Variants in MYZAP observed in about 807,000 individuals in gnomAD.
MYZAP encodes the protein myocardial zonula adherens protein.
Under a neutral mutation model 69.4 loss-of-function variants are expected in MYZAP, and 66 were observed. The observed-to-expected ratio is 0.95, with a 90% CI of 0.78 to 1.17. The LOEUF (loss-of-function observed/expected upper bound fraction) is 1.17, where lower values mean the gene tolerates loss of function less well. Ranked by LOEUF, MYZAP falls within the 50% of genes most tolerant of loss-of-function variation. The pLI is 0.00. For missense variants in MYZAP, 611 were observed against 556.2 expected (o/e 1.10, Z -0.99); for synonymous variants, 256 against 205.9 (o/e 1.24, Z -2.09).
chr15:57,592,730 C>T (rs1272179663), intron 1 of MYZAP, among the ~76,000 whole-genome samples: 2 of 152,162 alleles, frequency 1.3e-5, no homozygotes, highest in Non-Finnish European at 1.5e-5. Flanking sequence ...GAAGGTTTCC[C>T]TTTGGAAGTG....
chr15:57,671,682 T>A (rs1348923180), intron 11 of MYZAP, among the ~76,000 whole-genome samples: 2 of 152,026 alleles, frequency 1.3e-5, no homozygotes, highest in African/African-American at 4.8e-5. Flanking sequence ...TAGTGACTTT[T>A]AAAAAAAAAT....
At chr15:57,641,404 A>G (rs376815183) in intron 10 of MYZAP, among the ~76,000 whole-genome samples, 27 of 152,182 alleles carry the variant, frequency 1.8e-4, no homozygotes, top group African/African-American at 6.5e-4. Flanking sequence ...ATGTGTATTT[A>G]TACATGTGTA....
rs2039045436 is a variant in MYZAP at position 57,674,979 on chromosome 15, A to G, written c.1215A>G (p.Leu405=). 2 of 1,613,408 alleles carry G rather than the reference A, an allele frequency of 1.2e-6. No homozygotes were observed. Among genetic ancestry groups the G allele is most frequent in the Non-Finnish European group, 1.7e-6 (2 of 1,179,540 alleles). The change falls in exon 12 of 13, where the codon CTA becomes CTG. Residue 405 remains leucine, a synonymous_variant. Coordinates refer to ENST00000267853, the MANE Select transcript of MYZAP (RefSeq NM_001018100.5). The stretch of plus-strand genomic sequence containing the variant: ...TTTCTCATCTCCAGAATAATGAACT[A>G]CAAAGCAGGTTGGACTATTTAACAG... ...ISFLEGENNE[L]QSRLDYLTET... is the part of the protein sequence containing the mutation.
chr15:57,671,085 G>A (rs1429764527), intron 11 of MYZAP, among the ~76,000 whole-genome samples: 1 of 152,096 alleles, frequency 6.6e-6, no homozygotes, highest in Non-Finnish European at 1.5e-5. Context: ...GCCTCAGCCT[G>A]AAGAAATTTT....
At chr15:57,684,033 A>AT (rs1165447519) in intron 12 of MYZAP, among the ~76,000 whole-genome samples, 9 of 151,970 alleles carry the variant, frequency 5.9e-5, no homozygotes, top group Non-Finnish European at 8.8e-5. Context: ...ACTTCAGGTG[A>AT]TCCCCCTGCC....
intron 11 of MYZAP, among the ~76,000 whole-genome samples, chr15:57,662,816 G>A (rs1194208437): frequency 6.6e-6 from 1 of 152,172 alleles, no homozygotes; most frequent in East Asian, 1.9e-4. Context: ...TGAGTGGGTG[G>A]TGAGCTGAGC....
Position 57,629,794 on chromosome 15 carries a change from G to T in MYZAP, c.618G>T (p.Leu206=). The part of the protein sequence containing the change: ...QQTYEASMDK[L]REKQRQLEVA... Reference sequence around the variant, plus strand: ...CGTATGAAGCATCCATGGACAAGCTGAGGGAAAAGCAGAGGCAGTTGGAGG... The same window carrying T: ...CGTATGAAGCATCCATGGACAAGCTTAGGGAAAAGCAGAGGCAGTTGGAGG... The change falls in exon 6 of 13, where the codon CTG becomes CTT. Residue 206 remains leucine, a synonymous_variant. Transcript: ENST00000267853. 6.2e-7 allele frequency: 1 copy of T among 1,614,130 alleles called. No homozygotes were observed. Among genetic ancestry groups the T allele is most frequent in the Non-Finnish European group, 8.5e-7 (1 of 1,180,002 alleles).
rs59593598 is a variant in MYZAP at position 57,674,428 on chromosome 15, G to T, written c.1204-540G>T. Among the ~76,000 whole-genome samples the T allele has an allele frequency of 7.4e-3, 1,128 of 152,286 alleles. 13 individuals are homozygous for T. Among genetic ancestry groups the T allele is most frequent in the African/African-American group, 0.026 (1,090 of 41,544 alleles). Reference sequence around the variant, plus strand: ...TTCTGAATTTTCCACACCTACGAAAGACTAATTAAGTTATAGAGGTATTTC... The same window carrying T: ...TTCTGAATTTTCCACACCTACGAAATACTAATTAAGTTATAGAGGTATTTC... On this transcript the variant is annotated intron_variant, in intron 11 of 12. Transcript: ENST00000267853.
At chr15:57,620,904 A>G (rs2140394046) in intron 3 of MYZAP, among the ~76,000 whole-genome samples, 1 of 151,970 alleles carries the variant, frequency 6.6e-6, no homozygotes, top group Admixed American at 6.6e-5. Context: ...GGTGAATTTC[A>G]ACAAACCATT....
At chr15:57,648,937 G>A (rs183313505) in intron 10 of MYZAP, among the ~76,000 whole-genome samples, 27 of 150,776 alleles carry the variant, frequency 1.8e-4, no homozygotes, top group Non-Finnish European at 3.5e-4. Context: ...TGATTTTACT[G>A]TGTATATATA....
intron 2 of MYZAP, among the ~76,000 whole-genome samples, chr15:57,606,665 A>G (rs925759345): frequency 1.3e-5 from 2 of 152,170 alleles, no homozygotes; most frequent in Non-Finnish European, 1.5e-5. Flanking sequence ...CCAGCATGGC[A>G]CATGTATACA....
chr15:57,680,520 T>C (rs2140666062), intron 12 of MYZAP, among the ~76,000 whole-genome samples: 1 of 141,062 alleles, frequency 7.1e-6, no homozygotes, highest in South Asian at 2.1e-4. Context: ...CACACACAAA[T>C]GTATGTGTGT....
At chr15:57,633,456 A>G (rs2036626294) in intron 7 of MYZAP, among the ~76,000 whole-genome samples, 157 bp from the exon 8 acceptor site, 1 of 152,160 alleles carries the variant, frequency 6.6e-6, no homozygotes. Context: ...GAGAACCAGA[A>G]CCGTGAGGTT....
At chr15:57,615,491 C>T (rs4774974) in intron 2 of MYZAP, among the ~76,000 whole-genome samples, 15,125 of 152,160 alleles carry the variant, frequency 0.099, 819 homozygotes, top group Admixed American at 0.14. Flanking sequence ...CCTCTGTGTC[C>T]GGCCACCTGA....
chr15:57,629,973 T>TTTTTTC, intron 6 of MYZAP, 119 bp downstream of exon 6: 7 of 1,006,922 alleles, frequency 7.0e-6, no homozygotes, highest in Non-Finnish European at 7.9e-6. Context: ...TTCATTGGAT[T>TTTTTTC]TTTTTTTTTT....
chr15:57,598,608 T>C (rs2034215937), intron 1 of MYZAP, among the ~76,000 whole-genome samples: 1 of 152,220 alleles, frequency 6.6e-6, no homozygotes, highest in South Asian at 2.1e-4. Flanking sequence ...AGTTGGATTA[T>C]TGAAATGAAC....
intron 12 of MYZAP, among the ~76,000 whole-genome samples, chr15:57,683,848 G>A (rs1328846269): frequency 6.6e-6 from 1 of 151,792 alleles, no homozygotes; most frequent in Non-Finnish European, 1.5e-5. Context: ...AGGCTGGAGT[G>A]CAGTGGCATG....
At chr15:57,610,383 C>T (rs1218313295) in intron 2 of MYZAP, among the ~76,000 whole-genome samples, 1 of 152,210 alleles carries the variant, frequency 6.6e-6, no homozygotes, top group East Asian at 1.9e-4. Flanking sequence ...ACTGTTTATA[C>T]AACCTCGCGG....
chr15:57,661,540 A>G lies in MYZAP; in HGVS notation c.1203+7A>G, dbSNP rs759135359. On this transcript the variant is annotated splice_region_variant and intron_variant, in intron 11 of 12. Transcript: ENST00000267853. ...ATCTTTCTTAGAAGGAGAGGTAAGG[A>G]TCTCTGTTTCTTTAAGTTGGTGTCT... is the stretch of plus-strand genomic sequence containing the variant. The G allele has an allele frequency of 5.0e-6, 8 of 1,604,764 alleles. No individual in the cohort carries two copies. Among genetic ancestry groups the G allele is most frequent in the South Asian group, 1.1e-5 (1 of 88,822 alleles).
Sources: gnomAD v4.1 joint callset for allele counts (sites outside exome capture counted in the v4.1 genomes callset) on GRCh38, gnomAD v4.1.1 for gene constraint, MANE v1.5 for transcripts, NCBI Gene and HGNC (gene_info 2026-07-23, HGNC 2026-07-21) for gene names.